CNTNAP2: variants seen among roughly 807,000 people sequenced by gnomAD.
The protein encoded by CNTNAP2 is contactin-associated protein-like 2.
Under a neutral mutation model 155.2 loss-of-function variants are expected in CNTNAP2, and 98 were observed. The observed-to-expected ratio is 0.63, with a 90% CI of 0.54 to 0.75. The LOEUF (loss-of-function observed/expected upper bound fraction) is 0.75, where lower values mean the gene tolerates loss of function less well. Among genes scored for constraint, CNTNAP2 ranks in the 30% least tolerant of loss-of-function variants. CNTNAP2 has a pLI of 0.00. For missense variants in CNTNAP2, 1,727 were observed against 1,688.1 expected, an observed-to-expected ratio of 1.02 and a Z score of -0.40; for synonymous variants, 651 against 631.2, an observed-to-expected ratio of 1.03 and a Z score of -0.47.
intron 1 of CNTNAP2, among the ~76,000 whole-genome samples, chr7:146,439,757 A>G (rs1047254852): frequency 4.6e-5 from 7 of 151,578 alleles, no homozygotes. Flanking sequence ...AGGTACTTAA[A>G]AAAACACCTT....
chr7:147,580,096 G>A (rs1294064533), intron 12 of CNTNAP2, among the ~76,000 whole-genome samples: 1 of 152,154 alleles, frequency 6.6e-6, no homozygotes, highest in Non-Finnish European at 1.5e-5. Context: ...GACTGTTCAT[G>A]CATGTTGACC....
At chr7:146,214,617 T>C (rs533569510) in intron 1 of CNTNAP2, among the ~76,000 whole-genome samples, 36 of 152,324 alleles carry the variant, frequency 2.4e-4, no homozygotes, top group African/African-American at 8.7e-4. Context: ...TAAAAGATTC[T>C]GTTGATCCTA....
At chr7:148,140,451 C>T (rs182226714) in intron 16 of CNTNAP2, among the ~76,000 whole-genome samples, 317 of 133,944 alleles carry the variant, frequency 2.4e-3, no homozygotes, top group Non-Finnish European at 3.7e-3. Context: ...GACAGAGTTT[C>T]GCTCTTGTTG....
At chr7:146,215,254 TA>T (rs1799095562) in intron 1 of CNTNAP2, among the ~76,000 whole-genome samples, 1 of 152,176 alleles carries the variant, frequency 6.6e-6, no homozygotes, top group Non-Finnish European at 1.5e-5. Flanking sequence ...TCATACAAAA[TA>T]ATACTTGCGT....
chr7:147,848,901 T>A (rs1798868264), intron 13 of CNTNAP2, among the ~76,000 whole-genome samples: 1 of 152,096 alleles, frequency 6.6e-6, no homozygotes, highest in Non-Finnish European at 1.5e-5. Context: ...AATTTTAATT[T>A]TGTTTTTTTT....
intron 15 of CNTNAP2, among the ~76,000 whole-genome samples, chr7:148,056,874 C>T (rs1170323831): frequency 6.6e-6 from 1 of 152,190 alleles, no homozygotes; most frequent in East Asian, 1.9e-4. Flanking sequence ...TCCAGAGCAG[C>T]CCTTGGCTTT....
chr7:147,429,152 G>GTATATA (rs141561595), intron 10 of CNTNAP2, among the ~76,000 whole-genome samples: 350 of 145,896 alleles, frequency 2.4e-3, no homozygotes, highest in African/African-American at 7.9e-3. Context: ...GTGTGTTTGT[G>GTATATA]TATATATATA....
At chr7:147,954,155 T>G (rs1377054175) in intron 14 of CNTNAP2, among the ~76,000 whole-genome samples, 2 of 152,170 alleles carry the variant, frequency 1.3e-5, no homozygotes, top group African/African-American at 4.8e-5. Flanking sequence ...TCCAGTGTAC[T>G]ATGGAGAGAC....
In CNTNAP2 at chr7:146,525,562, ATCTATCTATCTATCTC is replaced by A. The variant is rs1426547990; in HGVS notation, c.98-248698_98-248683del. On this transcript the variant is annotated intron_variant, in intron 1 of 23. Transcript: ENST00000361727. ...TATCTATCTATCTATCTATCTATCT[ATCTATCTATCTATCTC>A]TCTATCTATCATCTATCTATCATCT... Among the ~76,000 whole-genome samples the A allele has an allele frequency of 1.8e-3, 272 of 147,410 alleles. 2 individuals are homozygous for A. The highest frequency in any genetic ancestry group is 5.5e-3 in the African/African-American group (203 of 37,200).
At chr7:146,950,964 T>A (rs1797300335) in intron 3 of CNTNAP2, among the ~76,000 whole-genome samples, 2 of 152,206 alleles carry the variant, frequency 1.3e-5, no homozygotes, top group Admixed American at 1.3e-4. Context: ...TGTTGTTTCC[T>A]GACTTTTTAA....
At chr7:146,337,763 C>CGTGG (rs1563044722) in intron 1 of CNTNAP2, among the ~76,000 whole-genome samples, 1 of 152,144 alleles carries the variant, frequency 6.6e-6, no homozygotes, top group Non-Finnish European at 1.5e-5. Flanking sequence ...TTAGCCACCA[C>CGTGG]ACCCAGCCTA....
At chr7:147,296,523 ATTG>A (rs1805449385) in intron 8 of CNTNAP2, among the ~76,000 whole-genome samples, 1 of 152,210 alleles carries the variant, frequency 6.6e-6, no homozygotes, top group African/African-American at 2.4e-5. Context: ...AATAACATTT[ATTG>A]TTTTCCCAAT....
At chr7:147,599,935 G>A (rs571514499) in intron 12 of CNTNAP2, among the ~76,000 whole-genome samples, 12 of 152,284 alleles carry the variant, frequency 7.9e-5, no homozygotes, top group African/African-American at 2.6e-4. Context: ...CTTGTATTCA[G>A]TTATATCAGG....
intron 1 of CNTNAP2, among the ~76,000 whole-genome samples, chr7:146,455,925 A>G (rs1230189452): frequency 6.6e-6 from 1 of 152,198 alleles, no homozygotes. Context: ...AAATATATAA[A>G]ACACATGAGC....
At chr7:147,127,966 T>A (rs1801274783) in intron 6 of CNTNAP2, among the ~76,000 whole-genome samples, 1 of 152,144 alleles carries the variant, frequency 6.6e-6, no homozygotes, top group African/African-American at 2.4e-5. Context: ...AATGCTATAG[T>A]GTATATTGAT....
At chr7:146,219,740 G>T (rs1327028323) in intron 1 of CNTNAP2, among the ~76,000 whole-genome samples, 1 of 152,286 alleles carries the variant, frequency 6.6e-6, no homozygotes, top group Non-Finnish European at 1.5e-5. Flanking sequence ...GCTTTCCAAA[G>T]AATGTTTTAA....
chr7:147,035,182 A>G (rs138384137), intron 3 of CNTNAP2, among the ~76,000 whole-genome samples: 2 of 152,318 alleles, frequency 1.3e-5, no homozygotes, highest in East Asian at 1.9e-4. Flanking sequence ...CCCTCCTGTC[A>G]GGAAGTGCTG....
rs6975054 is a variant in CNTNAP2 at position 146,284,146 on chromosome 7, C to A, written c.97+167173C>A. 2.0e-3 allele frequency among the ~76,000 whole-genome samples: 310 copies of A among 152,142 alleles called. 3 individuals are homozygous for A. Among genetic ancestry groups the A allele is most frequent in the African/African-American group, 7.0e-3 (290 of 41,500 alleles). ...GTATTATTGATGATTAGCTAGTGTT[C>A]GTTTTAGAATGGAAACAATGTGTAG... On this transcript the variant is annotated intron_variant, in intron 1 of 23. Coordinates refer to ENST00000361727, the MANE Select transcript of CNTNAP2 (RefSeq NM_014141.6).
chr7:146,468,547 A>G (rs1796749355), intron 1 of CNTNAP2, among the ~76,000 whole-genome samples: 1 of 152,210 alleles, frequency 6.6e-6, no homozygotes, highest in South Asian at 2.1e-4. Context: ...AGACTGTGAG[A>G]TTGAACTGAC....
Sources: gnomAD v4.1 joint callset for allele counts (sites outside exome capture counted in the v4.1 genomes callset) on GRCh38, gnomAD v4.1.1 for gene constraint, MANE v1.5 for transcripts, NCBI Gene and HGNC (gene_info 2026-07-23, HGNC 2026-07-21) for gene names.